MLLT3: variants seen among roughly 807,000 people sequenced by gnomAD.
MLLT3 encodes the protein protein AF-9.
In MLLT3, 4 loss-of-function variants were observed where a neutral mutation model predicts 53.2. That is an observed-to-expected ratio of 0.08 (90% CI 0.04 to 0.17). The LOEUF (loss-of-function observed/expected upper bound fraction) is 0.17. Among genes scored for constraint, MLLT3 ranks in the 10% least tolerant of loss-of-function variants. The pLI is 1.00. For synonymous variants in MLLT3, 283 were observed against 230.6 expected, an observed-to-expected ratio of 1.23 and a Z score of -2.06; for missense variants, 569 against 684.0, an observed-to-expected ratio of 0.83 and a Z score of 1.87.
rs373381172 is a variant in MLLT3, at chr9:20,553,187, G to C, written c.193+67467C>G. Reference sequence around the variant, plus strand: ...CATGAATCTTGGAGCAACTTTAAAAGCCACTTAAAACAAAACAAAAAAGCC... The same window carrying C: ...CATGAATCTTGGAGCAACTTTAAAACCCACTTAAAACAAAACAAAAAAGCC... On this transcript the variant is annotated intron_variant, in intron 2 of 10. Coordinates refer to ENST00000380338, the MANE Select transcript of MLLT3 (RefSeq NM_004529.4). Among the ~76,000 whole-genome samples, 39 of 152,188 alleles carry C rather than the reference G, an allele frequency of 2.6e-4. No homozygotes were observed. The East Asian group carries it at 3.5e-3, about 14-fold the overall frequency.
intron 2 of MLLT3, among the ~76,000 whole-genome samples, chr9:20,540,050 A>T (rs1244823475): frequency 6.6e-6 from 1 of 152,248 alleles, no homozygotes; most frequent in African/African-American, 2.4e-5. Flanking sequence ...GCAGTCACTA[A>T]ATCTTAAAGC....
At chr9:20,372,747 A>G (rs1026194649) in intron 5 of MLLT3, among the ~76,000 whole-genome samples, 4 of 151,834 alleles carry the variant, frequency 2.6e-5, no homozygotes, top group Non-Finnish European at 5.9e-5. Context: ...AGCCACTCAT[A>G]TCTTCAGCAC....
At chr9:20,437,119 TA>T (rs558143356) in intron 4 of MLLT3, among the ~76,000 whole-genome samples, 1 of 151,104 alleles carries the variant, frequency 6.6e-6, no homozygotes, top group Non-Finnish European at 1.5e-5. Flanking sequence ...TCCATTGCAT[TA>T]AAAAAAAATC....
intron 8 of MLLT3, among the ~76,000 whole-genome samples, chr9:20,355,095 T>TAAA (rs531598773): frequency 0.024 from 1,484 of 63,066 alleles, 17 homozygotes; most frequent in African/African-American, 0.059. Flanking sequence ...AAAGTAGAAC[T>TAAA]AAAAAAAAAA....
At position 20,523,692 on chromosome 9, in the gene MLLT3, G is replaced by A. The variant is rs546310194; in HGVS notation, c.194-66906C>T. On this transcript the variant is annotated intron_variant, in intron 2 of 10. Transcript: ENST00000380338. Reference sequence around the variant, plus strand: ...GAGACAGTAAAAAGATCAATGGGCCGGATGGGGTGGCTCATGCCTGTAATC... The same window carrying A: ...GAGACAGTAAAAAGATCAATGGGCCAGATGGGGTGGCTCATGCCTGTAATC... Among the ~76,000 whole-genome samples, 9 of 152,212 alleles carry A rather than the reference G, an allele frequency of 5.9e-5. No individual in the cohort carries two copies. The South Asian group carries it at 6.2e-4, about 11-fold the overall frequency.
At chr9:20,589,594 A>G (rs1047772284) in intron 2 of MLLT3, among the ~76,000 whole-genome samples, 1 of 152,126 alleles carries the variant, frequency 6.6e-6, no homozygotes, top group East Asian at 1.9e-4. Context: ...TAATAAAAAA[A>G]AAAAGAAAAT....
At chr9:20,367,568 T>C (rs1000972877) in intron 5 of MLLT3, among the ~76,000 whole-genome samples, 1 of 152,192 alleles carries the variant, frequency 6.6e-6, no homozygotes, top group African/African-American at 2.4e-5. Context: ...GACCTAAGTG[T>C]GCAAATATAC....
At chr9:20,490,917 C>T (rs921191571) in intron 2 of MLLT3, among the ~76,000 whole-genome samples, 5 of 151,962 alleles carry the variant, frequency 3.3e-5, no homozygotes, top group African/African-American at 1.2e-4. Context: ...ACTGTATATT[C>T]AAGAAAACTA....
At chr9:20,552,431 C>T (rs1044303064) in intron 2 of MLLT3, among the ~76,000 whole-genome samples, 3 of 152,136 alleles carry the variant, frequency 2.0e-5, no homozygotes, top group Non-Finnish European at 2.9e-5. Context: ...TGACATCACT[C>T]GTGTGAGCAG....
intron 9 of MLLT3, 55 bp downstream of exon 9, chr9:20,354,753 G>C (rs1327856042): frequency 8.4e-7 from 1 of 1,191,386 alleles, no homozygotes; most frequent in East Asian, 2.3e-5. Context: ...GCAACACAAA[G>C]AAACGGAAGG....
At chr9:20,612,989 T>G (rs1028676701) in intron 2 of MLLT3, among the ~76,000 whole-genome samples, 1 of 152,142 alleles carries the variant, frequency 6.6e-6, no homozygotes, top group African/African-American at 2.4e-5. Flanking sequence ...ACAAAGATGC[T>G]CACTGCACAG....
chr9:20,449,868 CT>C (rs1324661178), intron 3 of MLLT3, among the ~76,000 whole-genome samples: 4 of 152,184 alleles, frequency 2.6e-5, no homozygotes, highest in Admixed American at 2.6e-4. Context: ...TCTTTCTTCA[CT>C]GACCTTAAAT....
chr9:20,529,480 T>C (rs534952549), intron 2 of MLLT3, among the ~76,000 whole-genome samples: 1 of 151,086 alleles, frequency 6.6e-6, no homozygotes, highest in Admixed American at 6.6e-5. Flanking sequence ...CAAACCCAAA[T>C]ACAGTACAAA....
intron 2 of MLLT3, among the ~76,000 whole-genome samples, chr9:20,556,394 G>C (rs1344212057): frequency 6.6e-6 from 1 of 152,044 alleles, no homozygotes; most frequent in African/African-American, 2.4e-5. Context: ...AATAAAAAGT[G>C]GGGGAGAAGG....
intron 2 of MLLT3, among the ~76,000 whole-genome samples, chr9:20,611,437 G>A (rs185671456): frequency 4.5e-4 from 69 of 151,986 alleles, no homozygotes; most frequent in Middle Eastern, 3.4e-3. Flanking sequence ...AGAGCATTTT[G>A]CCTGGTATTG....
In MLLT3 at chr9:20,483,240, TA is replaced by T. The variant is rs1258933084; in HGVS notation, c.194-26455del. 5.4e-3 allele frequency among the ~76,000 whole-genome samples: 337 copies of T among 62,560 alleles called. 2 individuals are homozygous for T. The highest frequency in any genetic ancestry group is 0.027 in the African/African-American group (309 of 11,502). The allele number at this position is 62,560 out of a possible 152,430, so 41.0% of individuals were successfully genotyped here. A position where few individuals can be genotyped will look rare whatever the true frequency, so the allele number is the denominator to read the frequency against. On this transcript the variant is annotated intron_variant, in intron 2 of 10. Transcript: ENST00000380338. ...TATTACTACAAATTATTATTATTAT[TA>T]TTTTTTTTTTTGAGACAGGTTCTTG...
intron 2 of MLLT3, among the ~76,000 whole-genome samples, chr9:20,612,525 T>C (rs1296464350): frequency 4.6e-5 from 7 of 151,902 alleles, no homozygotes; most frequent in African/African-American, 1.5e-4. Context: ...GGCAAAAAGA[T>C]ACCATAAATC....
intron 2 of MLLT3, among the ~76,000 whole-genome samples, chr9:20,512,776 T>A (rs1306807926): frequency 6.6e-6 from 1 of 152,242 alleles, no homozygotes; most frequent in Non-Finnish European, 1.5e-5. Context: ...CAACTGCTTC[T>A]AACTATACTG....
chr9:20,386,537 T>C (rs1822041094), intron 5 of MLLT3, among the ~76,000 whole-genome samples: 2 of 152,184 alleles, frequency 1.3e-5, no homozygotes, highest in South Asian at 2.1e-4. Context: ...GCTGGAGTAA[T>C]GAACATTGCA....
Sources: gnomAD v4.1 joint callset for allele counts (sites outside exome capture counted in the v4.1 genomes callset) on GRCh38, gnomAD v4.1.1 for gene constraint, MANE v1.5 for transcripts, NCBI Gene and HGNC (gene_info 2026-07-23, HGNC 2026-07-21) for gene names.